The following SLC9C2 variants were observed in gnomAD, a reference collection of about 807,000 sequenced individuals.
The protein encoded by SLC9C2 is sodium/hydrogen exchanger 11.
SLC9C2 carries 75 observed loss-of-function variants against 140.2 expected under a neutral mutation model. The observed-to-expected ratio is 0.53, with a 90% CI of 0.44 to 0.65. SLC9C2 has a LOEUF of 0.65. Ranked by LOEUF, SLC9C2 falls within the 30% of genes least tolerant of loss-of-function variation. The probability of loss-of-function intolerance (pLI) is 0.00; values close to 1 mark genes in which losing one functional copy is unlikely to be tolerated. For synonymous variants in SLC9C2, 375 were observed against 420.9 expected (o/e 0.89, Z 1.34); for missense variants, 1,074 against 1,331.8 (o/e 0.81, Z 3.01).
intron 13 of SLC9C2, among the ~76,000 whole-genome samples, chr1:173,537,886 A>C (rs1203336040): frequency 6.6e-6 from 1 of 152,084 alleles, no homozygotes; most frequent in Non-Finnish European, 1.5e-5. Context: ...GGTTAGCGTT[A>C]CCTCCTGGAA....
intron 9 of SLC9C2, among the ~76,000 whole-genome samples, chr1:173,566,066 T>C (rs555394144): frequency 1.3e-5 from 2 of 152,264 alleles, no homozygotes; most frequent in South Asian, 4.1e-4. Flanking sequence ...TAATGCATTG[T>C]TGAATTATGT....
At chr1:173,601,332 A>G (rs1480532891) in intron 2 of SLC9C2, among the ~76,000 whole-genome samples, 1 of 152,174 alleles carries the variant, frequency 6.6e-6, no homozygotes, top group Non-Finnish European at 1.5e-5. Flanking sequence ...GAGAATCTTG[A>G]CGACAACTTT....
In SLC9C2 at chr1:173,533,779, T is replaced by G; in HGVS notation, c.1993A>C (p.Lys665Gln). 2 of 1,603,126 alleles carry G rather than the reference T, an allele frequency of 1.2e-6. No individual in the cohort carries two copies. The highest frequency in any genetic ancestry group is 1.7e-6 in the Non-Finnish European group (2 of 1,172,688). Residue 665 changes from lysine to glutamine, a missense_variant, in exon 17 of 28, where the codon AAA becomes CAA. Lys to Gln is a moderately conservative substitution (Grantham distance 53, BLOSUM62 1). Transcript: ENST00000367714. Reference sequence around the variant, plus strand: ...GTATTCCAACATTGTTGAAAATATTTCCTTTTCAAAATTATTATCTGTACA... The same window carrying G: ...GTATTCCAACATTGTTGAAAATATTGCCTTTTCAAAATTATTATCTGTACA... ...STLKIIILKR[K>Q]YFQQCWNTLE...
chr1:173,591,269 A>G (rs1041863710), intron 4 of SLC9C2, among the ~76,000 whole-genome samples: 3 of 152,088 alleles, frequency 2.0e-5, no homozygotes, highest in Non-Finnish European at 2.9e-5. Context: ...TCTTTATACA[A>G]TCTGGCATTG....
At chr1:173,589,655 T>A (rs972985402) in intron 4 of SLC9C2, among the ~76,000 whole-genome samples, 4 of 152,152 alleles carry the variant, frequency 2.6e-5, no homozygotes, top group African/African-American at 9.7e-5. Flanking sequence ...GTCCGAATTT[T>A]TAAATATTTT....
intron 18 of SLC9C2, among the ~76,000 whole-genome samples, chr1:173,529,431 A>G (rs1363995700): frequency 6.6e-6 from 1 of 151,990 alleles, no homozygotes; most frequent in Non-Finnish European, 1.5e-5. Context: ...CTGGAAATGA[A>G]GAGGGTCTTA....
chr1:173,558,079 A>G (rs1663832024), intron 9 of SLC9C2, among the ~76,000 whole-genome samples: 2 of 152,200 alleles, frequency 1.3e-5, no homozygotes, highest in Admixed American at 1.3e-4. Flanking sequence ...TCATTAAGGG[A>G]CTGGCAGTGA....
intron 2 of SLC9C2, 37 bp from the exon 3 acceptor site, chr1:173,600,254 G>A (rs746236012): frequency 2.8e-5 from 40 of 1,453,788 alleles, no homozygotes; most frequent in Middle Eastern, 1.8e-4. Context: ...ATGAGTACTC[G>A]AAGTACAGTT....
intron 27 of SLC9C2, among the ~76,000 whole-genome samples, chr1:173,502,444 C>T (rs1659350034): frequency 6.6e-6 from 1 of 152,100 alleles, no homozygotes; most frequent in East Asian, 1.9e-4. Flanking sequence ...CTCCTCCAGT[C>T]CACCCAGCAG....
intron 4 of SLC9C2, among the ~76,000 whole-genome samples, chr1:173,589,353 C>G (rs555692887): frequency 6.6e-6 from 1 of 152,136 alleles, no homozygotes; most frequent in East Asian, 1.9e-4. Context: ...GGCCAGAAGC[C>G]TAGAAAGCAG....
At chr1:173,522,438 T>C (rs964509210) in intron 21 of SLC9C2, among the ~76,000 whole-genome samples, 2 of 152,142 alleles carry the variant, frequency 1.3e-5, no homozygotes, top group Non-Finnish European at 2.9e-5. Flanking sequence ...ATTGTATATG[T>C]CTCAGGCAGG....
In SLC9C2 at chr1:173,576,762, TG is replaced by T; in HGVS notation, c.803-3del. On this transcript the variant is annotated splice_polypyrimidine_tract_variant and splice_region_variant and intron_variant, in intron 7 of 27. Coordinates refer to ENST00000367714, the MANE Select transcript of SLC9C2 (RefSeq NM_178527.4). Reference sequence around the variant, plus strand: ...TGCCTGACATTCCTAAAAATTCCACTGGGGAGAAAAAAAAAACAAATGAATC... The same window carrying T: ...TGCCTGACATTCCTAAAAATTCCACTGGGAGAAAAAAAAAACAAATGAATC... The T allele has an allele frequency of 6.4e-7, 1 of 1,574,416 alleles. No individual in the cohort carries two copies. The highest frequency in any genetic ancestry group is 1.2e-5 in the South Asian group (1 of 86,670).
chr1:173,602,660 G>T (rs1425984709), intron 1 of SLC9C2, 91 bp downstream of exon 1: 1 of 152,150 alleles, frequency 6.6e-6, no homozygotes, highest in Non-Finnish European at 1.5e-5. Context: ...TCCTGAGAAA[G>T]ATTTGTTCTG....
intron 25 of SLC9C2, among the ~76,000 whole-genome samples, chr1:173,505,770 T>C (rs1394496167): frequency 6.6e-6 from 1 of 152,136 alleles, no homozygotes; most frequent in Non-Finnish European, 1.5e-5. Context: ...ATAACTATCA[T>C]TTTTAGATTA....
rs1307807221 is a variant in SLC9C2, at chr1:173,564,284, C to A, written c.1047-6776G>T. On this transcript the variant is annotated intron_variant, in intron 9 of 27. Transcript: ENST00000367714. The stretch of plus-strand genomic sequence containing the variant: ...TTTTTTGAGGAACCTCCAAAATATT[C>A]TTTGTAGTGGTTGTACTAATCTACA... Among the ~76,000 whole-genome samples the A allele has an allele frequency of 3.3e-5, 5 of 152,262 alleles. No individual in the cohort carries two copies. The East Asian group carries it at 7.7e-4, about 23-fold the overall frequency.
chr1:173,510,134 A>G (rs1659939630), intron 23 of SLC9C2, among the ~76,000 whole-genome samples: 1 of 152,204 alleles, frequency 6.6e-6, no homozygotes, highest in South Asian at 2.1e-4. Flanking sequence ...CACGAACTTC[A>G]GTGAATTCAA....
In SLC9C2 at chr1:173,587,699, A is replaced by T. The variant is rs1197373910; in HGVS notation, c.489T>A (p.Asp163Glu). The T allele has an allele frequency of 6.2e-7, 1 of 1,613,128 alleles. No homozygotes were observed. The highest frequency in any genetic ancestry group is 1.3e-5 in the African/African-American group (1 of 75,016). The change falls in exon 5 of 28, where the codon GAT becomes GAA. Residue 163 changes from aspartate (D) to glutamate (E), a missense_variant. Asp to Glu is a conservative substitution (Grantham distance 45). Coordinates refer to ENST00000367714, the MANE Select transcript of SLC9C2 (RefSeq NM_178527.4). The stretch of plus-strand genomic sequence containing the variant: ...TTAGTGAATTCACAGAACGAAGAGG[A>T]TCTATAATGCCAAGGGTGATGCTAA... ...LLFSITLGII[D>E]PLRSVNSLKT...
chr1:173,576,229 T>C (rs1665171710), intron 8 of SLC9C2, among the ~76,000 whole-genome samples: 1 of 152,204 alleles, frequency 6.6e-6, no homozygotes, highest in Non-Finnish European at 1.5e-5. Context: ...TCCAGAGATA[T>C]TCATATGGCA....
chr1:173,523,501 G>C (rs953621131), intron 21 of SLC9C2, among the ~76,000 whole-genome samples: 5 of 152,230 alleles, frequency 3.3e-5, no homozygotes, highest in African/African-American at 1.2e-4. Flanking sequence ...ATAGATATTT[G>C]TTGAAAGAAT....
Sources: gnomAD v4.1 joint callset for allele counts (sites outside exome capture counted in the v4.1 genomes callset) on GRCh38, gnomAD v4.1.1 for gene constraint, MANE v1.5 for transcripts, NCBI Gene and HGNC (gene_info 2026-07-23, HGNC 2026-07-21) for gene names.